The following RNF8 variants were observed in gnomAD, a reference collection of about 807,000 sequenced individuals.
RNF8 encodes ring finger protein 8.
In RNF8, 8 loss-of-function variants were observed where a neutral mutation model predicts 59.3. The observed-to-expected ratio is 0.13, with a 90% CI of 0.08 to 0.24. RNF8 has a LOEUF of 0.24. Ranked by LOEUF, RNF8 falls within the 10% of genes least tolerant of loss-of-function variation. RNF8 has a pLI of 1.00. For synonymous variants in RNF8, 162 were observed against 200.0 expected, an observed-to-expected ratio of 0.81 and a Z score of 1.60; for missense variants, 406 against 572.6, an observed-to-expected ratio of 0.71 and a Z score of 2.97.
At chr6:37,358,332 GA>G (rs1317292131) in intron 1 of RNF8, among the ~76,000 whole-genome samples, 1 of 152,162 alleles carries the variant, frequency 6.6e-6, no homozygotes, top group Non-Finnish European at 1.5e-5. Flanking sequence ...CAGTTTTAAG[GA>G]AAGAAGGAAA....
At chr6:37,361,582 A>G in intron 2 of RNF8, 1 of 335,456 alleles carries the variant, frequency 3.0e-6, no homozygotes, top group East Asian at 8.8e-5. Flanking sequence ...TAACATAAAC[A>G]GTTAATGTTT....
Position 37,371,502 on chromosome 6 carries a change from G to A in RNF8, c.976-10G>A. 6.2e-7 allele frequency: 1 copy of A among 1,612,520 alleles called. No homozygotes were observed. The highest frequency in any genetic ancestry group is 8.5e-7 in the Non-Finnish European group (1 of 1,179,188). On this transcript the variant is annotated splice_polypyrimidine_tract_variant and intron_variant, in intron 3 of 7. Coordinates refer to ENST00000373479, the MANE Select transcript of RNF8 (RefSeq NM_003958.4). ...GCAGAGAAACCTTCCATTTTGTTTT[G>A]GCTTTGCAGGGTTTGGAGATAGCCC... is the stretch of plus-strand genomic sequence containing the variant.
chr6:37,371,383 C>T (rs930957330), intron 3 of RNF8, 129 bp from the exon 4 acceptor site: 2 of 661,620 alleles, frequency 3.0e-6, no homozygotes, highest in Non-Finnish European at 5.2e-6. Context: ...AGGAGATTTT[C>T]CACCTGCTCC....
Position 37,360,329 on chromosome 6 carries a change from G to A in RNF8, c.112-117G>A. 1 of 1,222,150 alleles carries A rather than the reference G, an allele frequency of 8.2e-7. No individual in the cohort carries two copies. The allele number at this position is 1,222,150 out of a possible 1,614,324, so 75.7% of individuals were successfully genotyped here. Reference sequence around the variant, plus strand: ...GCTGATGCACTGTTTTGGTTCCACAGGTGTCTGGTTTCTTAAGTCAGGACC... The same window carrying A: ...GCTGATGCACTGTTTTGGTTCCACAAGTGTCTGGTTTCTTAAGTCAGGACC... On this transcript the variant is annotated intron_variant, in intron 1 of 7. Transcript: ENST00000373479. The surrounding 1 kb of genome is among the most constrained non-coding windows in gnomAD (Gnocchi z 4.2).
intron 7 of RNF8, among the ~76,000 whole-genome samples, chr6:37,385,958 C>G (rs1356747698): frequency 1.3e-5 from 2 of 151,750 alleles, no homozygotes; most frequent in Middle Eastern, 3.2e-3. Context: ...CCTCAGCCTC[C>G]CAAGTAGCTG....
At chr6:37,363,246 T>C (rs1424789654) in intron 2 of RNF8, among the ~76,000 whole-genome samples, 2 of 152,240 alleles carry the variant, frequency 1.3e-5, no homozygotes, top group South Asian at 4.1e-4. Flanking sequence ...AGAGCAGTGG[T>C]TATCAACCCT....
chr6:37,379,268 G>A (rs1019285495), intron 6 of RNF8, among the ~76,000 whole-genome samples: 2 of 152,030 alleles, frequency 1.3e-5, no homozygotes, highest in Non-Finnish European at 2.9e-5. Context: ...TGCCTGCCTC[G>A]GCCTCCCAAA....
At position 37,368,748 on chromosome 6, in the gene RNF8, C is replaced by T. The variant is rs765201044; in HGVS notation, c.505C>T (p.Pro169Ser). Residue 169 changes from proline (P) to serine (S), a missense_variant, in exon 3 of 8, where the codon CCC becomes TCC. By Grantham distance (74) the Pro-to-Ser change is moderately conservative. Around this residue, in one of 3 missense-constraint regions of RNF8, gnomAD observed 285 missense variants for 342.0 expected, o/e 0.83. Coordinates refer to ENST00000373479, the MANE Select transcript of RNF8 (RefSeq NM_003958.4). Reference protein sequence around the residue: ...DELAGPGAEGPSNLKSKINKV... With the variant: ...DELAGPGAEGSSNLKSKINKV... ...ATTAGCAGGTCCTGGAGCTGAAGGC[C>T]CCTCAAATTTGAAATCCAAAATAAA... 6.2e-6 allele frequency: 10 copies of T among 1,613,944 alleles called. No homozygotes were observed. The highest frequency in any genetic ancestry group is 1.1e-5 in the South Asian group (1 of 91,078).
At position 37,377,000 on chromosome 6, in the gene RNF8, C is replaced by G. The variant is rs773718597; in HGVS notation, c.1203C>G (p.Leu401=). 2 of 1,605,442 alleles carry G rather than the reference C, an allele frequency of 1.2e-6. No individual in the cohort carries two copies. Among genetic ancestry groups the G allele is most frequent in the African/African-American group, 1.3e-5 (1 of 74,310 alleles). Residue 401 remains leucine (L), a synonymous_variant, in exon 6 of 8, where the codon CTC becomes CTG. Transcript: ENST00000373479. ...TGAATGATGTGCTAGAGAATGAGCTCCAATGTATTATTTGTTCAGAATACT... is the reference window on the plus strand; with the variant it reads ...TGAATGATGTGCTAGAGAATGAGCTGCAATGTATTATTTGTTCAGAATACT... ...SHMNDVLENE[L]QCIICSEYFI... is the part of the protein sequence containing the mutation.
chr6:37,377,819 T>C (rs1770084571), intron 6 of RNF8, among the ~76,000 whole-genome samples: 7 of 152,238 alleles, frequency 4.6e-5, no homozygotes. Context: ...ACGGCCCAAG[T>C]TGAATATATT....
rs1770764719 is a variant in RNF8, at chr6:37,392,882, G to A, written c.*2124G>A. On this transcript the variant is annotated 3_prime_UTR_variant, in exon 8 of 8. Coordinates refer to ENST00000373479, the MANE Select transcript of RNF8 (RefSeq NM_003958.4). The stretch of plus-strand genomic sequence containing the variant: ...TTGCCTAGGCTGGTCTTGAAATTCT[G>A]GGCTAAAGCAATCCTACCACCTTGG... The A allele has an allele frequency of 2.9e-6, 1 of 339,426 alleles. No homozygotes were observed. The highest frequency in any genetic ancestry group is 5.2e-6 in the Non-Finnish European group (1 of 191,772). 21.0% of individuals were successfully genotyped at this position (339,426 alleles called of 1,614,324 possible). A position where few individuals can be genotyped will look rare whatever the true frequency, so the allele number is the denominator to read the frequency against.
intron 4 of RNF8, among the ~76,000 whole-genome samples, chr6:37,373,554 G>A (rs545181017): frequency 2.0e-5 from 3 of 152,120 alleles, no homozygotes; most frequent in South Asian, 2.1e-4. Context: ...CCATAGGCGC[G>A]CGCCACAATG....
chr6:37,386,237 T>C (rs914250935), intron 7 of RNF8, among the ~76,000 whole-genome samples: 1 of 147,582 alleles, frequency 6.8e-6, no homozygotes, highest in African/African-American at 2.4e-5. Flanking sequence ...TTAGTAAAAG[T>C]CTGCTGTGGG....
chr6:37,374,725 TG>T lies in RNF8; in HGVS notation c.1128+18del. 6.2e-7 allele frequency: 1 copy of T among 1,605,182 alleles called. No homozygotes were observed. Among genetic ancestry groups the T allele is most frequent in the Non-Finnish European group, 8.5e-7 (1 of 1,172,136 alleles). On this transcript the variant is annotated intron_variant, in intron 5 of 7. Coordinates refer to ENST00000373479, the MANE Select transcript of RNF8 (RefSeq NM_003958.4). ...GCAGACCAAGGTACTGGAAAGAAGA[TG>T]GAAGTTTAGAATTTGGTTAGTGCAT... is the stretch of plus-strand genomic sequence containing the variant.
At position 37,354,106 on chromosome 6, in the gene RNF8, A is replaced by T; in HGVS notation, c.-59A>T. On this transcript the variant is annotated 5_prime_UTR_variant, in exon 1 of 8. Transcript: ENST00000373479. ...GGAAGCTGAGGGGATGCACAGAGGC[A>T]GCCAGAACCTAGGTCAGGGTCTCGC... 10 of 1,398,550 alleles carry T rather than the reference A, an allele frequency of 7.2e-6. No homozygotes were observed. The highest frequency in any genetic ancestry group is 8.9e-6 in the Non-Finnish European group (9 of 1,007,738). 86.6% of individuals were successfully genotyped at this position (1,398,550 alleles called of 1,614,324 possible).
intron 7 of RNF8, among the ~76,000 whole-genome samples, chr6:37,389,686 AAAG>A (rs1190700010): frequency 1.3e-5 from 2 of 149,568 alleles, no homozygotes; most frequent in African/African-American, 2.4e-5. Context: ...TGTTTTATAG[AAAG>A]AAGAGTATCG....
At chr6:37,389,191 A>G (rs369126961) in intron 7 of RNF8, among the ~76,000 whole-genome samples, 1 of 152,136 alleles carries the variant, frequency 6.6e-6, no homozygotes, top group Non-Finnish European at 1.5e-5. Flanking sequence ...ATATGTGTTT[A>G]TGAAGAGTTA....
At chr6:37,384,539 G>A (rs548532516) in intron 7 of RNF8, among the ~76,000 whole-genome samples, 1 of 152,324 alleles carries the variant, frequency 6.6e-6, no homozygotes, top group South Asian at 2.1e-4. Flanking sequence ...ACTATTGTGT[G>A]AATCTGTGAC....
At chr6:37,384,378 G>T (rs1460559382) in intron 7 of RNF8, among the ~76,000 whole-genome samples, 1 of 152,114 alleles carries the variant, frequency 6.6e-6, no homozygotes, top group East Asian at 1.9e-4. Flanking sequence ...CTGACCTCAG[G>T]TGATGTACCC....
Sources: gnomAD v4.1 joint callset for allele counts (sites outside exome capture counted in the v4.1 genomes callset) on GRCh38, gnomAD v4.1.1 for gene constraint, gnomAD v4.1.1 regional missense constraint, Gnocchi (gnomAD v3.1) non-coding constraint, MANE v1.5 for transcripts, NCBI Gene and HGNC (gene_info 2026-07-23, HGNC 2026-07-21) for gene names.